NRXN3: variants seen among roughly 807,000 people sequenced by gnomAD.
NRXN3 encodes the protein neurexin III.
A neutral mutation model predicts 137.6 loss-of-function variants in NRXN3; 32 were observed. That is an observed-to-expected ratio of 0.23 (90% confidence interval 0.18 to 0.31). The LOEUF is 0.31. Among genes scored for constraint, NRXN3 ranks in the 10% least tolerant of loss-of-function variants. The probability of loss-of-function intolerance (pLI) is 1.00; values close to 1 mark genes in which losing one functional copy is unlikely to be tolerated. For missense variants in NRXN3, 1,574 were observed against 2,062.5 expected (o/e 0.76, Z 4.59); for synonymous variants, 798 against 784.5 (o/e 1.02, Z -0.29).
chr14:78,801,561 C>T (rs574913458), intron 8 of NRXN3, among the ~76,000 whole-genome samples: 1 of 152,188 alleles, frequency 6.6e-6, no homozygotes, highest in East Asian at 1.9e-4. Context: ...GGAAACCACC[C>T]CCATGATCCA....
intron 15 of NRXN3, among the ~76,000 whole-genome samples, chr14:79,012,901 T>C (rs541925518): frequency 6.6e-6 from 1 of 152,188 alleles, no homozygotes; most frequent in Non-Finnish European, 1.5e-5. Context: ...TTAGTTCTGC[T>C]ACCATACTCA....
At chr14:78,396,764 T>C (rs1453951802) in intron 4 of NRXN3, among the ~76,000 whole-genome samples, 3 of 152,224 alleles carry the variant, frequency 2.0e-5, no homozygotes, top group Non-Finnish European at 4.4e-5. Context: ...TTTTTTGGTC[T>C]TCAGTTTTGG....
intron 4 of NRXN3, among the ~76,000 whole-genome samples, chr14:78,322,043 T>TA (rs1180394039): frequency 6.6e-6 from 1 of 152,012 alleles, no homozygotes; most frequent in Non-Finnish European, 1.5e-5. Context: ...CCAAAATTCT[T>TA]ACTCCTTTCT....
chr14:78,499,341 T>A lies in NRXN3; in HGVS notation c.758-145779T>A, dbSNP rs184877900. 9.0e-4 allele frequency among the ~76,000 whole-genome samples: 137 copies of A among 152,198 alleles called. 1 individual carries two copies. The highest frequency in any genetic ancestry group is 3.0e-3 in the African/African-American group (126 of 41,540). On this transcript the variant is annotated intron_variant, in intron 4 of 20. Coordinates refer to ENST00000335750, the MANE Select transcript of NRXN3 (RefSeq NM_001330195.2). ...AGTCTCAGGGACTTTCTCATCATTT[T>A]CCCTAAACCTAATGCAAGATATTCA... is the stretch of plus-strand genomic sequence containing the variant.
intron 6 of NRXN3, chr14:78,695,530 G>C (rs1232499527): frequency 1.3e-5 from 2 of 152,028 alleles, no homozygotes; most frequent in Non-Finnish European, 2.9e-5. Context: ...TAATGCCACT[G>C]AACAGATGTA....
chr14:79,092,612 A>C (rs2049419688), intron 15 of NRXN3, among the ~76,000 whole-genome samples: 1 of 152,224 alleles, frequency 6.6e-6, no homozygotes, highest in African/African-American at 2.4e-5. Context: ...ATTTAAATTC[A>C]AAGTCAAATA....
At chr14:79,279,623 G>GCTC in intron 15 of NRXN3, 2 of 987,106 alleles carry the variant, frequency 2.0e-6, no homozygotes, top group Non-Finnish European at 2.4e-6. Context: ...TGCTGCTGCT[G>GCTC]GTTTTCATCC....
At chr14:79,114,940 C>A (rs1360077902) in intron 15 of NRXN3, among the ~76,000 whole-genome samples, 3 of 152,146 alleles carry the variant, frequency 2.0e-5, no homozygotes, top group Non-Finnish European at 4.4e-5. Flanking sequence ...GAGGTATTAT[C>A]TTTAAATACG....
At chr14:79,061,177 T>A (rs1014532265) in intron 15 of NRXN3, among the ~76,000 whole-genome samples, 1 of 152,210 alleles carries the variant, frequency 6.6e-6, no homozygotes, top group Admixed American at 6.5e-5. Flanking sequence ...TGCTAAACAC[T>A]GGGGAGACAA....
chr14:79,811,581 C>CTTTTTTTTTTT (rs370942970), intron 20 of NRXN3, among the ~76,000 whole-genome samples: 1 of 116,612 alleles, frequency 8.6e-6, no homozygotes, highest in African/African-American at 3.2e-5. Context: ...TTTCTTTTTT[C>CTTTTTTTTTTT]TTTTTTTTTT....
At position 78,351,372 on chromosome 14, in the gene NRXN3, G is replaced by A. The variant is rs79753859; in HGVS notation, c.757+53512G>A. On this transcript the variant is annotated intron_variant, in intron 4 of 20. Coordinates refer to ENST00000335750, the MANE Select transcript of NRXN3 (RefSeq NM_001330195.2). ...CTAGAAATGGAATTTTTAGTCTTAA[G>A]GAATACATATTTTCAAATTTATTAC... is the stretch of plus-strand genomic sequence containing the variant. 6.7e-3 allele frequency among the ~76,000 whole-genome samples: 1,014 copies of A among 152,210 alleles called. 10 individuals are homozygous for A. Among genetic ancestry groups the A allele is most frequent in the Middle Eastern group, 0.01 (3 of 294 alleles).
intron 4 of NRXN3, among the ~76,000 whole-genome samples, chr14:78,644,022 T>C (rs2097661351): frequency 1.3e-5 from 2 of 151,240 alleles, no homozygotes; most frequent in South Asian, 4.2e-4. Context: ...ACACCTGTAG[T>C]CCCAGCTACT....
intron 15 of NRXN3, among the ~76,000 whole-genome samples, chr14:79,044,744 A>G (rs1398327502): frequency 1.3e-5 from 2 of 151,966 alleles, no homozygotes; most frequent in Admixed American, 1.3e-4. Flanking sequence ...ACATATGTAC[A>G]ACCTGCATCG....
At chr14:78,815,640 A>G (rs1157825361) in intron 10 of NRXN3, among the ~76,000 whole-genome samples, 1 of 152,064 alleles carries the variant, frequency 6.6e-6, no homozygotes, top group East Asian at 1.9e-4. Flanking sequence ...TACTGGACTT[A>G]TGGTTTTCTT....
chr14:78,284,445 C>T (rs192282269), intron 3 of NRXN3, among the ~76,000 whole-genome samples: 173 of 152,238 alleles, frequency 1.1e-3, no homozygotes, highest in Admixed American at 2.2e-3. Context: ...TCCTTGGGTA[C>T]GTGTCCTGCT....
intron 15 of NRXN3, among the ~76,000 whole-genome samples, chr14:79,407,229 T>C (rs1307577352): frequency 6.6e-6 from 1 of 152,182 alleles, no homozygotes; most frequent in East Asian, 1.9e-4. Flanking sequence ...CCCATTCTCA[T>C]TTCCTTTACT....
At chr14:79,773,830 C>CAAAA in intron 19 of NRXN3, among the ~76,000 whole-genome samples, 1 of 126,780 alleles carries the variant, frequency 7.9e-6, no homozygotes, top group East Asian at 2.2e-4. Context: ...AATAAAAATA[C>CAAAA]AAAAAAAAAA....
chr14:79,253,277 C>A (rs1568796736), intron 15 of NRXN3, among the ~76,000 whole-genome samples: 1 of 152,128 alleles, frequency 6.6e-6, no homozygotes, highest in African/African-American at 2.4e-5. Flanking sequence ...GGTGTTGAAC[C>A]ACTACTCGTA....
chr14:79,106,958 A>T (rs375242024), intron 15 of NRXN3, among the ~76,000 whole-genome samples: 2 of 152,184 alleles, frequency 1.3e-5, no homozygotes, highest in African/African-American at 4.8e-5. Flanking sequence ...TTTTAAAAAA[A>T]GTATAGATGA....
Sources: gnomAD v4.1 joint callset for allele counts (sites outside exome capture counted in the v4.1 genomes callset) on GRCh38, gnomAD v4.1.1 for gene constraint, MANE v1.5 for transcripts, NCBI Gene and HGNC (gene_info 2026-07-23, HGNC 2026-07-21) for gene names.